Variants in SIPA1L3 observed in about 807,000 individuals in gnomAD.
SIPA1L3 encodes the protein signal-induced proliferation-associated 1-like protein 3.
In SIPA1L3, 59 loss-of-function variants were observed where a neutral mutation model predicts 150.1. The ratio of observed to expected loss-of-function variants is 0.39; its 90% CI spans 0.32 to 0.49. SIPA1L3 has a LOEUF of 0.49. Ranked by LOEUF, SIPA1L3 falls within the 20% of genes least tolerant of loss-of-function variation. The pLI is 0.86. For missense variants in SIPA1L3, 2,211 were observed against 2,489.5 expected (o/e 0.89, Z 2.38); for synonymous variants, 1,070 against 1,077.6 (o/e 0.99, Z 0.14).
intron 6 of SIPA1L3, among the ~76,000 whole-genome samples, 165 bp downstream of exon 6, chr19:38,101,391 G>A (rs116703841): frequency 1.9e-3 from 287 of 152,192 alleles, no homozygotes; most frequent in African/African-American, 6.4e-3. Flanking sequence ...ATTTTTTCGT[G>A]TTGTTGTACT....
Position 38,199,872 on chromosome 19 carries a change from A to G in SIPA1L3, c.4984+1340A>G, listed in dbSNP as rs1973047189. 2.0e-5 allele frequency: 3 copies of G among 151,574 alleles called. No homozygotes were observed. The South Asian group carries it at 6.3e-4, about 32-fold the overall frequency. The allele number at this position is 151,574 out of a possible 1,614,324, so 9.4% of individuals were successfully genotyped here. On this transcript the variant is annotated intron_variant, in intron 19 of 21. Transcript: ENST00000222345. ...TCTTAAATATATATATATATATTTTATCCACTAGAGCTACTTAGTGAAGTT... is the reference window on the plus strand; with the variant it reads ...TCTTAAATATATATATATATATTTTGTCCACTAGAGCTACTTAGTGAAGTT...
intron 15 of SIPA1L3, among the ~76,000 whole-genome samples, chr19:38,165,563 C>G (rs979256289): frequency 1.3e-5 from 2 of 152,166 alleles, no homozygotes; most frequent in East Asian, 3.9e-4. Flanking sequence ...TCCCAGAACC[C>G]CTTTCAGCAG....
chr19:38,080,081 A>T (rs1969941844), intron 2 of SIPA1L3, among the ~76,000 whole-genome samples: 1 of 152,240 alleles, frequency 6.6e-6, no homozygotes, highest in Admixed American at 6.5e-5. Context: ...GTAAGTAGTC[A>T]CTGGGGAGAT....
chr19:38,058,055 G>A (rs1290834195), intron 2 of SIPA1L3, among the ~76,000 whole-genome samples: 3 of 152,206 alleles, frequency 2.0e-5, no homozygotes, highest in East Asian at 3.9e-4. Context: ...GTCCTGGGGA[G>A]TGGCCAGTTT....
intron 1 of SIPA1L3, among the ~76,000 whole-genome samples, chr19:37,984,503 T>G (rs1048241638): frequency 5.9e-5 from 9 of 152,128 alleles, no homozygotes; most frequent in African/African-American, 2.2e-4. Flanking sequence ...ATTGTGAGGC[T>G]GCGAAACATT....
intron 10 of SIPA1L3, among the ~76,000 whole-genome samples, chr19:38,131,454 G>T (rs913164956): frequency 6.6e-6 from 1 of 152,216 alleles, no homozygotes; most frequent in Non-Finnish European, 1.5e-5. Context: ...GGAGTACGGG[G>T]AGGCCCATGT....
Position 38,082,642 on chromosome 19 carries a change from G to C in SIPA1L3, c.1077G>C (p.Arg359Ser). 1 of 1,606,444 alleles carries C rather than the reference G, an allele frequency of 6.2e-7. No individual in the cohort carries two copies. The highest frequency in any genetic ancestry group is 8.5e-7 in the Non-Finnish European group (1 of 1,179,742). The change falls in exon 3 of 22, where the codon AGG (arginine) becomes AGC (serine). Residue 359 changes from arginine to serine, a missense_variant. By Grantham distance (110) the Arg-to-Ser change is moderately radical (BLOSUM62 -1). Around this residue, in one of 5 missense-constraint regions of SIPA1L3, gnomAD observed 587 missense variants for 534.5 expected, o/e 1.10. Coordinates refer to ENST00000222345, the MANE Select transcript of SIPA1L3 (RefSeq NM_015073.3). ...ACCTCAACGAGGCGGCCGCCAACAG[G>C]GTGTCGGTGTCGCAGCGGCGGAACA... Reference protein sequence around the residue: ...LFDLNEAAANRVSVSQRRNTT... With the variant: ...LFDLNEAAANSVSVSQRRNTT...
chr19:37,915,569 A>G (rs2046408427), intron 1 of SIPA1L3, among the ~76,000 whole-genome samples: 1 of 151,820 alleles, frequency 6.6e-6, no homozygotes, highest in African/African-American at 2.4e-5. Flanking sequence ...TTTAGTAGAG[A>G]TGGGGTTTCA....
At chr19:38,116,809 A>T (rs1285376182) in intron 8 of SIPA1L3, among the ~76,000 whole-genome samples, 1 of 152,034 alleles carries the variant, frequency 6.6e-6, no homozygotes. Context: ...AGCTGAGATC[A>T]CGCCACTGCA....
Position 37,935,908 on chromosome 19 carries a change from C to T in SIPA1L3, c.-379+28550C>T, listed in dbSNP as rs1326475787. On this transcript the variant is annotated intron_variant, in intron 1 of 21. Transcript: ENST00000222345. ...TCCAGGAGGTGTGGTCCACTGTGGG[C>T]ACCTTTCTATCCTGGCTACCATGGG... 3.3e-5 allele frequency among the ~76,000 whole-genome samples: 5 copies of T among 152,238 alleles called. No individual in the cohort carries two copies. The South Asian group carries it at 6.2e-4, about 19-fold the overall frequency.
chr19:38,195,734 T>A (rs1192174500), intron 18 of SIPA1L3, among the ~76,000 whole-genome samples: 2 of 121,792 alleles, frequency 1.6e-5, no homozygotes, highest in Non-Finnish European at 3.3e-5. Context: ...AGATGCCCCC[T>A]CCTCCAGGAA....
At position 38,164,708 on chromosome 19, in the gene SIPA1L3, C is replaced by T. The variant is rs370013723; in HGVS notation, c.4010C>T (p.Pro1337Leu). 2 of 1,613,990 alleles carry T rather than the reference C, an allele frequency of 1.2e-6. No individual in the cohort carries two copies. The highest frequency in any genetic ancestry group is 2.7e-5 in the African/African-American group (2 of 74,934). Residue 1337 changes from proline to leucine, a missense_variant, in exon 15 of 22, where the codon CCC becomes CTC. By Grantham distance (98) the Pro-to-Leu change is moderately conservative (BLOSUM62 -3). Coordinates refer to ENST00000222345, the MANE Select transcript of SIPA1L3 (RefSeq NM_015073.3). This position sits in a 1 kb window ranked among gnomAD's most constrained non-coding sequence, Gnocchi z 4.1. Reference sequence around the variant, plus strand: ...CCACGGCCCGCCAAGCCACACAAGCCCCCTGGAAGTATGGGCCTTTGTGGC... The same window carrying T: ...CCACGGCCCGCCAAGCCACACAAGCTCCCTGGAAGTATGGGCCTTTGTGGC... ...KAPRPAKPHK[P>L]PGSMGLCGGG...
intron 15 of SIPA1L3, among the ~76,000 whole-genome samples, chr19:38,178,930 A>C (rs1972502651): frequency 6.6e-6 from 1 of 152,170 alleles, no homozygotes; most frequent in Non-Finnish European, 1.5e-5. Context: ...CTCCATTGAT[A>C]GATGTTGCTA....
chr19:38,053,262 G>A (rs1292298743), intron 2 of SIPA1L3, among the ~76,000 whole-genome samples: 2 of 152,340 alleles, frequency 1.3e-5, no homozygotes, highest in African/African-American at 2.4e-5. Flanking sequence ...GGTCAGAAGC[G>A]ACGTGATTGC....
At chr19:38,186,859 G>A (rs1052500956) in intron 16 of SIPA1L3, among the ~76,000 whole-genome samples, 5 of 149,610 alleles carry the variant, frequency 3.3e-5, no homozygotes, top group Middle Eastern at 3.5e-3. Flanking sequence ...GCGTGGTGTC[G>A]CATGCCTGTA....
In SIPA1L3 at chr19:38,040,891, GCTGGGA is replaced by G. The variant is rs1166967282; in HGVS notation, c.-311+11738_-311+11743del. 2.2e-4 allele frequency among the ~76,000 whole-genome samples: 33 copies of G among 151,962 alleles called. 1 individual carries two copies. The highest frequency in any genetic ancestry group is 2.2e-3 in the Admixed American group (33 of 15,252). ...TTCTCCTGTCTCAGCCTCCCAAGTAGCTGGGACTACAGGCGCCCACCACCACGCCCA... is the reference window on the plus strand; with the variant it reads ...TTCTCCTGTCTCAGCCTCCCAAGTAGCTACAGGCGCCCACCACCACGCCCA... On this transcript the variant is annotated intron_variant, in intron 2 of 21. Transcript: ENST00000222345.
intron 1 of SIPA1L3, among the ~76,000 whole-genome samples, chr19:37,995,229 G>A (rs550225888): frequency 6.6e-6 from 1 of 152,318 alleles, no homozygotes; most frequent in South Asian, 2.1e-4. Flanking sequence ...GCACATGTCT[G>A]TACCGTGAGA....
chr19:38,033,897 A>G (rs1402195365), intron 2 of SIPA1L3, among the ~76,000 whole-genome samples: 3 of 152,092 alleles, frequency 2.0e-5, no homozygotes, highest in Admixed American at 6.6e-5. Flanking sequence ...CATTTGCATC[A>G]TGGTATGTGC....
intron 2 of SIPA1L3, among the ~76,000 whole-genome samples, chr19:38,066,585 G>A (rs1969598619): frequency 6.6e-6 from 1 of 152,194 alleles, no homozygotes; most frequent in African/African-American, 2.4e-5. Context: ...CAGCACTTTG[G>A]GAGGCCAAGA....
Sources: gnomAD v4.1 joint callset for allele counts (sites outside exome capture counted in the v4.1 genomes callset) on GRCh38, gnomAD v4.1.1 for gene constraint, gnomAD v4.1.1 regional missense constraint, Gnocchi (gnomAD v3.1) non-coding constraint, MANE v1.5 for transcripts, NCBI Gene and HGNC (gene_info 2026-07-23, HGNC 2026-07-21) for gene names.